CDC42BPB: variants seen among roughly 807,000 people sequenced by gnomAD.
The protein encoded by CDC42BPB is CDC42 binding protein kinase beta.
Under a neutral mutation model 214.9 loss-of-function variants are expected in CDC42BPB, and 37 were observed. That is an observed-to-expected ratio of 0.17 (90% confidence interval 0.13 to 0.23). The LOEUF (loss-of-function observed/expected upper bound fraction) is 0.23. Ranked by LOEUF, CDC42BPB falls within the 10% of genes least tolerant of loss-of-function variation. The pLI is 1.00. For missense variants in CDC42BPB, 1,694 were observed against 2,227.0 expected (o/e 0.76, Z 4.82); for synonymous variants, 931 against 884.0 (o/e 1.05, Z -0.94).
intron 23 of CDC42BPB, among the ~76,000 whole-genome samples, chr14:102,953,093 T>C (rs973041835): frequency 4.6e-5 from 7 of 152,206 alleles, no homozygotes; most frequent in Admixed American, 1.3e-4. Flanking sequence ...AGTGGACACA[T>C]TGTGAACCCA....
intron 5 of CDC42BPB, among the ~76,000 whole-genome samples, chr14:102,990,357 CG>C (rs1256236451): frequency 6.6e-6 from 1 of 152,132 alleles, no homozygotes; most frequent in Admixed American, 6.5e-5. Context: ...CAAACAAACC[CG>C]GAATGCCTGC....
chr14:102,976,168 G>A, intron 9 of CDC42BPB, 119 bp from the exon 10 acceptor site: 1 of 1,486,016 alleles, frequency 6.7e-7, no homozygotes, highest in Non-Finnish European at 8.9e-7. Context: ...AAACACCTGA[G>A]ATAAGACTTT....
chr14:103,014,986 T>C (rs2139651774), intron 1 of CDC42BPB, among the ~76,000 whole-genome samples: 1 of 152,328 alleles, frequency 6.6e-6, no homozygotes, highest in Non-Finnish European at 1.5e-5. Flanking sequence ...TCACCCGGGC[T>C]TCCTTGTCAA....
chr14:103,041,407 C>A, intron 1 of CDC42BPB: 1 of 639,414 alleles, frequency 1.6e-6, no homozygotes, highest in Non-Finnish European at 2.6e-6. Flanking sequence ...GATATGACAG[C>A]AAAAAAAACA....
chr14:102,933,795 G>T lies in CDC42BPB; in HGVS notation c.5053C>A (p.Pro1685Thr), dbSNP rs1364479548. The T allele has an allele frequency of 4.5e-5, 68 of 1,512,358 alleles. No individual in the cohort carries two copies. Among genetic ancestry groups the T allele is most frequent in the Non-Finnish European group, 5.7e-5 (65 of 1,141,148 alleles). 93.7% of individuals were successfully genotyped at this position (1,512,358 alleles called of 1,614,324 possible). A position where few individuals can be genotyped will look rare whatever the true frequency, so the allele number is the denominator to read the frequency against. The change falls in exon 37 of 37, where the codon CCC (proline) becomes ACC (threonine). Residue 1685 changes from proline to threonine, a missense_variant. Pro to Thr is a conservative substitution (Grantham distance 38). This residue lies in a region of CDC42BPB where 146 missense variants were observed against 134.1 expected (regional missense o/e 1.09). Transcript: ENST00000361246. ...GAGTTGGGGCTCGGTGGGCCGCTGGGGTTGGAGCTATTCGATGGAGTTGAG... is the reference window on the plus strand; with the variant it reads ...GAGTTGGGGCTCGGTGGGCCGCTGGTGTTGGAGCTATTCGATGGAGTTGAG... ...KHSTPSNSSN[P>T]SGPPSPNSPH...
At chr14:103,010,824 G>A (rs1595141985) in intron 2 of CDC42BPB, among the ~76,000 whole-genome samples, 1 of 152,100 alleles carries the variant, frequency 6.6e-6, no homozygotes, top group East Asian at 1.9e-4. Context: ...GAGGTCAGGA[G>A]ATCAAGACCA....
chr14:102,973,117 A>G (rs569177897), intron 12 of CDC42BPB, among the ~76,000 whole-genome samples: 1 of 152,318 alleles, frequency 6.6e-6, no homozygotes, highest in Non-Finnish European at 1.5e-5. Flanking sequence ...CAAGACCCTG[A>G]GCAAGCTGGC....
chr14:103,029,940 T>C lies in CDC42BPB; in HGVS notation c.176-17752A>G, dbSNP rs75661445. Among the ~76,000 whole-genome samples the C allele has an allele frequency of 9.3e-5, 14 of 150,666 alleles. No individual in the cohort carries two copies. In the East Asian group the frequency reaches 2.5e-3, roughly 27 times the overall value. Reference sequence around the variant, plus strand: ...ACACGCATGTGAGCGGGAAGCAATATTCAAAACAGCAATAGCAATCCATCC... The same window carrying C: ...ACACGCATGTGAGCGGGAAGCAATACTCAAAACAGCAATAGCAATCCATCC... On this transcript the variant is annotated intron_variant, in intron 1 of 36. Coordinates refer to ENST00000361246, the MANE Select transcript of CDC42BPB (RefSeq NM_006035.4).
At chr14:102,964,786 T>C (rs1893120145) in intron 18 of CDC42BPB, 136 bp from the exon 19 acceptor site, 1 of 1,322,310 alleles carries the variant, frequency 7.6e-7, no homozygotes, top group East Asian at 3.0e-5. Context: ...ATTATGGAGG[T>C]GCCTCAGGAG....
At chr14:103,007,473 G>A (rs1369653260) in intron 3 of CDC42BPB, among the ~76,000 whole-genome samples, 1 of 152,190 alleles carries the variant, frequency 6.6e-6, no homozygotes, top group Non-Finnish European at 1.5e-5. Flanking sequence ...AAAGAGGAAA[G>A]CGTCACCTCA....
chr14:102,950,528 T>C lies in CDC42BPB; in HGVS notation c.3247A>G (p.Lys1083Glu), dbSNP rs1466712824. 5 of 1,613,096 alleles carry C rather than the reference T, an allele frequency of 3.1e-6. No individual in the cohort carries two copies. Among genetic ancestry groups the C allele is most frequent in the South Asian group, 1.1e-5 (1 of 91,030 alleles). ...TGCACGTCCACGCCCAGAGGCCTCTTGGACTGCTCGGGAGGTATTGGGCAC... is the reference window on the plus strand; with the variant it reads ...TGCACGTCCACGCCCAGAGGCCTCTCGGACTGCTCGGGAGGTATTGGGCAC... The part of the protein sequence containing the change: ...QVCPIPPEQS[K>E]RPLGVDVQRG... The change falls in exon 25 of 37, where the codon AAG becomes GAG. Residue 1083 changes from lysine (K) to glutamate (E), a missense_variant. Transcript: ENST00000361246.
intron 20 of CDC42BPB, among the ~76,000 whole-genome samples, chr14:102,962,361 C>A (rs1204114226): frequency 6.6e-6 from 1 of 152,242 alleles, no homozygotes; most frequent in Non-Finnish European, 1.5e-5. Context: ...TACAGCCACT[C>A]CTGGCAGCAC....
intron 16 of CDC42BPB, among the ~76,000 whole-genome samples, chr14:102,967,822 G>A (rs956085409): frequency 3.3e-5 from 5 of 152,210 alleles, no homozygotes; most frequent in South Asian, 2.1e-4. Flanking sequence ...TTCGGCCGGC[G>A]CAGTGGCTCA....
At chr14:103,046,059 G>A (rs1888265047) in intron 1 of CDC42BPB, among the ~76,000 whole-genome samples, 1 of 152,144 alleles carries the variant, frequency 6.6e-6, no homozygotes, top group African/African-American at 2.4e-5. Flanking sequence ...CAACGAGGCT[G>A]GGGAATGAGA....
intron 19 of CDC42BPB, 58 bp downstream of exon 19, chr14:102,964,444 G>C: frequency 6.3e-7 from 1 of 1,590,130 alleles, no homozygotes; most frequent in Non-Finnish European, 8.6e-7. Flanking sequence ...GGCTCAGGGC[G>C]GGCTCGAGGC....
At chr14:102,954,302 G>A in intron 22 of CDC42BPB, 27 bp from the exon 23 acceptor site, 1 of 1,495,402 alleles carries the variant, frequency 6.7e-7, no homozygotes, top group Non-Finnish European at 8.9e-7. Context: ...ACAGGTGAGT[G>A]TCGGCCCAGC....
chr14:103,030,547 T>C (rs564098066), intron 1 of CDC42BPB, among the ~76,000 whole-genome samples: 1 of 151,878 alleles, frequency 6.6e-6, no homozygotes, highest in East Asian at 1.9e-4. Context: ...AATATAAAAA[T>C]TAGCTGAGTG....
chr14:103,018,226 G>C (rs961513005), intron 1 of CDC42BPB, among the ~76,000 whole-genome samples: 1 of 152,198 alleles, frequency 6.6e-6, no homozygotes, highest in Non-Finnish European at 1.5e-5. Flanking sequence ...CGTGGAGTCT[G>C]GTTCCTAACA....
At position 102,978,311 on chromosome 14, in the gene CDC42BPB, T is replaced by C. The variant is rs1411213551; in HGVS notation, c.1141-106A>G. 4.5e-6 allele frequency: 7 copies of C among 1,549,548 alleles called. No homozygotes were observed. In the African/African-American group the frequency reaches 5.5e-5, roughly 12 times the overall value. ...GTGACAGGAGGCACTGGGCAGAACATGTGGCCTTGGAGAATGCGGATTCCA... is the reference window on the plus strand; with the variant it reads ...GTGACAGGAGGCACTGGGCAGAACACGTGGCCTTGGAGAATGCGGATTCCA... On this transcript the variant is annotated intron_variant, in intron 8 of 36. Coordinates refer to ENST00000361246, the MANE Select transcript of CDC42BPB (RefSeq NM_006035.4).
Sources: gnomAD v4.1 joint callset for allele counts (sites outside exome capture counted in the v4.1 genomes callset) on GRCh38, gnomAD v4.1.1 for gene constraint, gnomAD v4.1.1 regional missense constraint, MANE v1.5 for transcripts, NCBI Gene and HGNC (gene_info 2026-07-23, HGNC 2026-07-21) for gene names.